SLC2A5: variants seen among roughly 807,000 people sequenced by gnomAD.
The protein encoded by SLC2A5 is solute carrier family 2, facilitated glucose transporter member 5.
In SLC2A5, 56 loss-of-function variants were observed where a neutral mutation model predicts 50.3. The ratio of observed to expected loss-of-function variants is 1.11; its 90% CI spans 0.90 to 1.39. The LOEUF (loss-of-function observed/expected upper bound fraction) is 1.39. SLC2A5 is among the 40% of genes most tolerant of loss of function. The probability of loss-of-function intolerance (pLI) is 0.00; values close to 1 mark genes in which losing one functional copy is unlikely to be tolerated. For missense variants in SLC2A5, 566 were observed against 650.1 expected, an observed-to-expected ratio of 0.87 and a Z score of 1.41; for synonymous variants, 269 against 281.9, an observed-to-expected ratio of 0.95 and a Z score of 0.46.
chr1:9,057,406 G>C, intron 3 of SLC2A5, 42 bp downstream of exon 3: 1 of 1,492,046 alleles, frequency 6.7e-7, no homozygotes, highest in East Asian at 2.3e-5. Context: ...CTCTGATGGG[G>C]GTCTATGAGT....
intron 2 of SLC2A5, among the ~76,000 whole-genome samples, chr1:9,082,507 A>G (rs1224190854): frequency 6.6e-6 from 1 of 152,170 alleles, no homozygotes; most frequent in East Asian, 1.9e-4. Flanking sequence ...TGAGTCCCAG[A>G]GTTCAAGTCT....
chr1:9,075,682 C>T (rs1460867048), intron 2 of SLC2A5, among the ~76,000 whole-genome samples: 2 of 151,266 alleles, frequency 1.3e-5, no homozygotes, highest in African/African-American at 4.9e-5. Flanking sequence ...TTTTTTGAGA[C>T]GAAGTCTCAC....
Position 9,085,365 on chromosome 1 carries a change from G to T in SLC2A5, c.-187-223C>A, listed in dbSNP as rs530171552. On this transcript the variant is annotated intron_variant, in intron 1 of 5. Coordinates refer to the SLC2A5 transcript ENST00000464985. The stretch of plus-strand genomic sequence containing the variant: ...TAGAAAGGCGGGACGATTCAAAGGT[G>T]GGGGAGGGTTCTTCCAGGCTATAGG... 1.2e-4 allele frequency among the ~76,000 whole-genome samples: 18 copies of T among 152,296 alleles called. No individual in the cohort carries two copies. The South Asian group carries it at 3.7e-3, about 32-fold the overall frequency.
In SLC2A5 at chr1:9,057,567, G is replaced by C. The variant is rs144426243; in HGVS notation, c.174C>G (p.Thr58=). The C allele has an allele frequency of 6.2e-7, 1 of 1,613,392 alleles. No individual in the cohort carries two copies. The highest frequency in any genetic ancestry group is 8.5e-7 in the Non-Finnish European group (1 of 1,179,486). ...AGGGGAAGTCTTCCATGAATTCACC[G>C]GTCCTACCATAGTAAGTCTCATTGT... ...QFYNETYYGR[T]GEFMEDFPLT... is the part of the protein sequence containing the mutation. Residue 58 remains threonine, a synonymous_variant, in exon 3 of 12, where the codon ACC becomes ACG. Coordinates refer to ENST00000377424, the MANE Select transcript of SLC2A5 (RefSeq NM_003039.3).
chr1:9,071,453 T>A (rs1261187366), upstream of SLC2A5, among the ~76,000 whole-genome samples: 3 of 152,158 alleles, frequency 2.0e-5, no homozygotes, highest in Admixed American at 6.5e-5. Context: ...AAGTTTGTAG[T>A]CATCAGTCAT....
Position 9,039,651 on chromosome 1 carries a change from G to A in SLC2A5, c.897C>T (p.Tyr299=). 4 of 1,548,376 alleles carry A rather than the reference G, an allele frequency of 2.6e-6. No individual in the cohort carries two copies. Among genetic ancestry groups the A allele is most frequent in the South Asian group, 2.4e-5 (2 of 83,650 alleles). ...QLSGVNAIYY[Y]ADQIYLSAGV... The stretch of plus-strand genomic sequence containing the variant: ...CGGCGCTCAGGTAGATCTGGTCCGC[G>A]TAGTAGTAGATCTGCAAGGCAAGCG... The change falls in exon 8 of 12, where the codon TAC becomes TAT. Residue 299 remains tyrosine (Y), a synonymous_variant. Coordinates refer to ENST00000377424, the MANE Select transcript of SLC2A5 (RefSeq NM_003039.3).
At chr1:9,090,800 C>T (rs1332789138), upstream of SLC2A5, among the ~76,000 whole-genome samples, 2 of 152,214 alleles carry the variant, frequency 1.3e-5, no homozygotes, top group African/African-American at 2.4e-5. Context: ...CTGTCAGGCA[C>T]TTCAATTAGA....
rs529780585 is a variant in SLC2A5, at chr1:9,079,000, G to A, written c.-59+6014C>T. ...GGAAGGGAGAGGAGTGCATCCAGTC[G>A]GTTGACACAGGACCTCCCAACCCCA... is the stretch of plus-strand genomic sequence containing the variant. On this transcript the variant is annotated intron_variant, in intron 2 of 5. Transcript: ENST00000464985. Among the ~76,000 whole-genome samples, 111 of 152,212 alleles carry A rather than the reference G, an allele frequency of 7.3e-4. 1 individual carries two copies. Among genetic ancestry groups the A allele is most frequent in the African/African-American group, 2.6e-3 (109 of 41,524 alleles).
chr1:9,047,521 C>T, intron 4 of SLC2A5, 89 bp downstream of exon 4: 1 of 1,376,626 alleles, frequency 7.3e-7, no homozygotes, highest in East Asian at 2.4e-5. Context: ...ACGCTTCAGA[C>T]ATCACAGATT....
At chr1:9,044,461 T>C (rs997773458) in intron 4 of SLC2A5, among the ~76,000 whole-genome samples, 1 of 152,210 alleles carries the variant, frequency 6.6e-6, no homozygotes, top group Non-Finnish European at 1.5e-5. Context: ...GTCATACTCA[T>C]CTTGGCACCC....
upstream of SLC2A5, among the ~76,000 whole-genome samples, chr1:9,074,091 A>AG (rs370935581): frequency 1.5e-3 from 225 of 151,214 alleles, 1 homozygote; most frequent in African/African-American, 5.3e-3. Context: ...AAAAATTAAA[A>AG]AAAAAAAAAT....
intron 2 of SLC2A5, among the ~76,000 whole-genome samples, chr1:9,083,114 G>A (rs142014702): frequency 3.9e-5 from 6 of 152,250 alleles, no homozygotes; most frequent in African/African-American, 9.6e-5. Context: ...GGGTAACACC[G>A]CAAGACTCTG....
rs376129927 is a variant in SLC2A5 at position 9,037,763 on chromosome 1, A to G, written c.1329T>C (p.Ile443=). ...TGAGGAGGCAGATCACGGCGAAGAC[A>G]ATGAAGCTGTACGGGCCGAGGCCCT... The part of the protein sequence containing the change: ...IQEGLGPYSF[I]VFAVICLLTT... The change falls in exon 12 of 12, where the codon ATT becomes ATC. Residue 443 remains isoleucine, a synonymous_variant. Coordinates refer to ENST00000377424, the MANE Select transcript of SLC2A5 (RefSeq NM_003039.3). 5.6e-6 allele frequency: 9 copies of G among 1,614,186 alleles called. No homozygotes were observed. In the African/African-American group the frequency reaches 1.1e-4, roughly 19 times the overall value.
chr1:9,039,348 G>A (rs1027932298), intron 8 of SLC2A5, among the ~76,000 whole-genome samples: 1 of 152,240 alleles, frequency 6.6e-6, no homozygotes, highest in African/African-American at 2.4e-5. Context: ...ATCCCGGTCA[G>A]GTGGTGGCCC....
rs1332229261 is a variant in SLC2A5, at chr1:9,042,625, ATGTGTG to A, written c.419-694_419-689del. Among the ~76,000 whole-genome samples the A allele has an allele frequency of 8.1e-5, 11 of 136,404 alleles. No individual in the cohort carries two copies. The South Asian group carries it at 2.4e-3, about 29-fold the overall frequency. 89.5% of individuals were successfully genotyped at this position (136,404 alleles called of 152,430 possible). Reference sequence around the variant, plus strand: ...TGTGTGTGTGTGTATGTGTATATATATGTGTGTGTGTGGGTGTGTGTGTGGCCTGGG... The same window carrying A: ...TGTGTGTGTGTGTATGTGTATATATATGTGTGGGTGTGTGTGTGGCCTGGG... On this transcript the variant is annotated intron_variant, in intron 4 of 11. Transcript: ENST00000377424.
At chr1:9,041,548 C>A in intron 5 of SLC2A5, 6 of 1,363,430 alleles carry the variant, frequency 4.4e-6, no homozygotes, top group Non-Finnish European at 5.7e-6. Context: ...TCAAAGCCAC[C>A]TCATCCATCT....
intron 2 of SLC2A5, among the ~76,000 whole-genome samples, chr1:9,083,313 G>A (rs1642372424): frequency 6.6e-6 from 1 of 152,206 alleles, no homozygotes; most frequent in Admixed American, 6.5e-5. Context: ...CAGCCATGGT[G>A]AAAATGAGAC....
In SLC2A5 at chr1:9,059,142, T is replaced by C. The variant is rs1179564986; in HGVS notation, c.34-892A>G. Among the ~76,000 whole-genome samples the C allele has an allele frequency of 9.4e-5, 9 of 95,368 alleles. No individual in the cohort carries two copies. The South Asian group carries it at 3.2e-3, about 34-fold the overall frequency. The allele number at this position is 95,368 out of a possible 152,430, so 62.6% of individuals were successfully genotyped here. A position where few individuals can be genotyped will look rare whatever the true frequency, so the allele number is the denominator to read the frequency against. On this transcript the variant is annotated intron_variant, in intron 1 of 11. Coordinates refer to ENST00000377424, the MANE Select transcript of SLC2A5 (RefSeq NM_003039.3). ...TGGACAGCCGCCTTTCTTTCTTTTT[T>C]TTTTTTTTTTTTTTTTTTGACACAG...
chr1:9,047,818 T>A, intron 3 of SLC2A5, 84 bp from the exon 4 acceptor site: 1 of 1,443,522 alleles, frequency 6.9e-7, no homozygotes, highest in Non-Finnish European at 9.5e-7. Flanking sequence ...CTCCTCTGCA[T>A]AGGCTCCAGC....
Sources: gnomAD v4.1 joint callset for allele counts (sites outside exome capture counted in the v4.1 genomes callset) on GRCh38, gnomAD v4.1.1 for gene constraint, MANE v1.5 for transcripts, NCBI Gene and HGNC (gene_info 2026-07-23, HGNC 2026-07-21) for gene names.